Variants in TMEM132C observed in about 807,000 individuals in gnomAD.
TMEM132C encodes transmembrane protein 132C, also known as protein phosphatase 1, regulatory subunit 152.
TMEM132C carries 29 observed loss-of-function variants against 61.4 expected under a neutral mutation model. The ratio of observed to expected loss-of-function variants is 0.47; its 90% CI spans 0.35 to 0.64. The LOEUF (loss-of-function observed/expected upper bound fraction) is 0.64. TMEM132C is among the 30% of genes least tolerant of loss of function. The probability of loss-of-function intolerance (pLI) is 0.00; values close to 1 mark genes in which losing one functional copy is unlikely to be tolerated. For synonymous variants in TMEM132C, 656 were observed against 633.1 expected (o/e 1.04, Z -0.54); for missense variants, 1,408 against 1,476.9 (o/e 0.95, Z 0.76).
intron 4 of TMEM132C, among the ~76,000 whole-genome samples, chr12:128,619,662 T>C (rs111259468): frequency 8.5e-5 from 13 of 152,312 alleles, no homozygotes; most frequent in African/African-American, 2.9e-4. Context: ...CCCTCCTCCC[T>C]GCGCTGTCCC....
chr12:128,335,408 T>C (rs1682120494), intron 1 of TMEM132C, among the ~76,000 whole-genome samples: 1 of 152,260 alleles, frequency 6.6e-6, no homozygotes, highest in Admixed American at 6.5e-5. Context: ...ATATTGGCAT[T>C]TGGATTTTCA....
intron 4 of TMEM132C, among the ~76,000 whole-genome samples, chr12:128,619,344 A>G (rs10847657): frequency 0.24 from 36,322 of 152,142 alleles, 5,034 homozygotes; most frequent in African/African-American, 0.4. Context: ...AGCCACGGAT[A>G]GGAGGATTCA....
At chr12:128,403,986 T>C (rs1220757813) in intron 1 of TMEM132C, among the ~76,000 whole-genome samples, 1 of 152,180 alleles carries the variant, frequency 6.6e-6, no homozygotes, top group Non-Finnish European at 1.5e-5. Flanking sequence ...GGGGGCACTG[T>C]CTTGTGCATT....
chr12:128,312,304 TTTG>T (rs750329513), intron 1 of TMEM132C, among the ~76,000 whole-genome samples: 2 of 151,788 alleles, frequency 1.3e-5, no homozygotes, highest in Non-Finnish European at 2.9e-5. Context: ...TGGTGGGGTT[TTTG>T]TTTGTTTGTT....
intron 2 of TMEM132C, among the ~76,000 whole-genome samples, chr12:128,517,265 T>C (rs78869447): frequency 7.3e-6 from 1 of 136,512 alleles, no homozygotes; most frequent in African/African-American, 3.0e-5. Flanking sequence ...AATAAATAAA[T>C]AAACAAACAA....
intron 4 of TMEM132C, among the ~76,000 whole-genome samples, chr12:128,662,946 T>C (rs1954407403): frequency 6.6e-6 from 1 of 152,192 alleles, no homozygotes. Flanking sequence ...TAGTCCCATG[T>C]CCAGGGTCAG....
chr12:128,350,962 G>A (rs1377448904), intron 1 of TMEM132C, among the ~76,000 whole-genome samples: 1 of 152,148 alleles, frequency 6.6e-6, no homozygotes, highest in Admixed American at 6.5e-5. Flanking sequence ...CCCAGCAGCT[G>A]TACTGAATCA....
chr12:128,538,795 A>G (rs989826079), intron 2 of TMEM132C, among the ~76,000 whole-genome samples: 5 of 152,112 alleles, frequency 3.3e-5, no homozygotes, highest in Admixed American at 1.3e-4. Flanking sequence ...TCTCCCCCAC[A>G]TAAGTGCCTC....
intron 2 of TMEM132C, among the ~76,000 whole-genome samples, chr12:128,512,123 C>T (rs1210890895): frequency 6.6e-6 from 1 of 151,746 alleles, no homozygotes; most frequent in Non-Finnish European, 1.5e-5. Context: ...TGTCATTATT[C>T]CTTAGAAAGC....
intron 2 of TMEM132C, among the ~76,000 whole-genome samples, chr12:128,529,088 A>G (rs917568236): frequency 1.3e-5 from 2 of 152,120 alleles, no homozygotes; most frequent in African/African-American, 4.8e-5. Flanking sequence ...ACACTCACTT[A>G]TAATTATAAC....
intron 1 of TMEM132C, among the ~76,000 whole-genome samples, chr12:128,406,664 G>A (rs528466860): frequency 7.9e-5 from 12 of 152,214 alleles, no homozygotes; most frequent in South Asian, 6.2e-4. Flanking sequence ...TTTAAACTTC[G>A]ATAATAAATT....
intron 2 of TMEM132C, among the ~76,000 whole-genome samples, chr12:128,475,180 G>A (rs552252149): frequency 3.3e-5 from 5 of 152,228 alleles, no homozygotes; most frequent in Admixed American, 6.5e-5. Flanking sequence ...TCAGGTTACA[G>A]CCAGAAGGTA....
intron 1 of TMEM132C, among the ~76,000 whole-genome samples, chr12:128,378,560 C>T (rs1214419922): frequency 6.6e-6 from 1 of 152,234 alleles, no homozygotes; most frequent in Non-Finnish European, 1.5e-5. Flanking sequence ...GGAACGCCTA[C>T]ATCAAAGCAC....
chr12:128,571,271 T>A (rs1874871594), intron 3 of TMEM132C, among the ~76,000 whole-genome samples: 1 of 152,236 alleles, frequency 6.6e-6, no homozygotes, highest in South Asian at 2.1e-4. Flanking sequence ...GCTGAAAAGG[T>A]ACATCTCACT....
rs190671603 is a variant in TMEM132C at position 128,329,442 on chromosome 12, A to G, written c.85+61955A>G. Among the ~76,000 whole-genome samples, 41 of 152,264 alleles carry G rather than the reference A, an allele frequency of 2.7e-4. 1 individual carries two copies. Among genetic ancestry groups the G allele is most frequent in the African/African-American group, 9.6e-4 (40 of 41,546 alleles). On this transcript the variant is annotated intron_variant, in intron 1 of 8. Coordinates refer to ENST00000435159, the MANE Select transcript of TMEM132C (RefSeq NM_001136103.3). ...TGTACAAGGCTGAAGGCGTGTGGTAAAGGTGGTTTGGCGGAAAGAGGATTA... is the reference window on the plus strand; with the variant it reads ...TGTACAAGGCTGAAGGCGTGTGGTAGAGGTGGTTTGGCGGAAAGAGGATTA...
intron 4 of TMEM132C, among the ~76,000 whole-genome samples, chr12:128,642,224 C>T (rs1441897045): frequency 5.9e-5 from 9 of 151,660 alleles, no homozygotes; most frequent in African/African-American, 1.5e-4. Flanking sequence ...CTCCACCTCT[C>T]GGGTTCAAGT....
At chr12:128,461,064 T>C (rs1294664343) in intron 2 of TMEM132C, among the ~76,000 whole-genome samples, 1 of 152,066 alleles carries the variant, frequency 6.6e-6, no homozygotes, top group African/African-American at 2.4e-5. Context: ...AAGAAAAAAA[T>C]AACAATAACA....
rs750943698 is a variant in TMEM132C, at chr12:128,525,318, T to TTC, written c.975-18615_975-18614dup. Reference sequence around the variant, plus strand: ...CCCTTTGAAGAGAAATCCTTTGCACTTCTCTCTCTCTCTCTCTCTCTCTCT... The same window carrying TTC: ...CCCTTTGAAGAGAAATCCTTTGCACTTCTCTCTCTCTCTCTCTCTCTCTCTCT... On this transcript the variant is annotated intron_variant, in intron 2 of 8. Transcript: ENST00000435159. 6.2e-4 allele frequency among the ~76,000 whole-genome samples: 93 copies of TTC among 150,132 alleles called. 1 individual carries two copies. In the South Asian group the frequency reaches 8.1e-3, roughly 13 times the overall value.
At chr12:128,302,578 G>A (rs139024819) in intron 1 of TMEM132C, among the ~76,000 whole-genome samples, 71 of 152,284 alleles carry the variant, frequency 4.7e-4, no homozygotes, top group African/African-American at 9.9e-4. Context: ...TAGCTCTTTC[G>A]TGTCACAAAT....
Sources: allele counts gnomAD v4.1 joint callset (sites outside exome capture counted in the v4.1 genomes callset), GRCh38; gene constraint gnomAD v4.1.1; transcripts MANE v1.5; gene names NCBI Gene and HGNC (gene_info 2026-07-23, HGNC 2026-07-21).